Variants in EPHB1 observed in about 807,000 individuals in gnomAD.
The protein encoded by EPHB1 is EPH receptor B1, also known as ephrin type-B receptor 1.
EPHB1 carries 30 observed loss-of-function variants against 94.4 expected under a neutral mutation model. That is an observed-to-expected ratio of 0.32 (90% CI 0.24 to 0.43). EPHB1 has a LOEUF of 0.43. Ranked by LOEUF, EPHB1 falls within the 20% of genes least tolerant of loss-of-function variation. The pLI, the probability that EPHB1 is intolerant of heterozygous loss-of-function variation, is 1.00. For missense variants in EPHB1, 1,055 were observed against 1,308.3 expected, an observed-to-expected ratio of 0.81 and a Z score of 2.99; for synonymous variants, 522 against 489.1, an observed-to-expected ratio of 1.07 and a Z score of -0.89.
At chr3:134,924,495 C>A (rs2107701509) in intron 1 of EPHB1, among the ~76,000 whole-genome samples, 1 of 152,250 alleles carries the variant, frequency 6.6e-6, no homozygotes, top group Middle Eastern at 3.4e-3. Context: ...ATGTTTAACA[C>A]CATTTGCCAG....
intron 15 of EPHB1, among the ~76,000 whole-genome samples, chr3:135,258,638 A>C (rs1933518388): frequency 6.6e-6 from 1 of 152,046 alleles, no homozygotes; most frequent in Non-Finnish European, 1.5e-5. Context: ...TAGGCAGAAA[A>C]CTCCACAGAA....
At chr3:135,174,676 G>T (rs990102080) in intron 9 of EPHB1, among the ~76,000 whole-genome samples, 6 of 152,198 alleles carry the variant, frequency 3.9e-5, no homozygotes, top group African/African-American at 1.4e-4. Flanking sequence ...GAGGAAAAGG[G>T]TTGATCAACA....
chr3:135,047,344 G>C (rs1161239506), intron 3 of EPHB1, among the ~76,000 whole-genome samples: 1 of 152,212 alleles, frequency 6.6e-6, no homozygotes, highest in Non-Finnish European at 1.5e-5. Context: ...CAAGGAGAAT[G>C]AATCAGTACC....
chr3:134,876,287 G>C (rs919578486), intron 1 of EPHB1, among the ~76,000 whole-genome samples: 1 of 152,178 alleles, frequency 6.6e-6, no homozygotes, highest in East Asian at 1.9e-4. Flanking sequence ...TCTCCAAGAT[G>C]TCCTTTCTTC....
At chr3:134,921,925 C>T (rs1218015859) in intron 1 of EPHB1, among the ~76,000 whole-genome samples, 1 of 152,114 alleles carries the variant, frequency 6.6e-6, no homozygotes, top group Non-Finnish European at 1.5e-5. Flanking sequence ...ATGACACGAG[C>T]AAGGTCATAT....
intron 4 of EPHB1, among the ~76,000 whole-genome samples, chr3:135,125,555 A>G (rs1248282452): frequency 3.9e-5 from 6 of 152,224 alleles, no homozygotes; most frequent in African/African-American, 1.4e-4. Flanking sequence ...CTTAGGCTAG[A>G]GAGTGTCATA....
At chr3:135,066,436 T>C (rs1445318156) in intron 3 of EPHB1, among the ~76,000 whole-genome samples, 1 of 152,242 alleles carries the variant, frequency 6.6e-6, no homozygotes, top group East Asian at 1.9e-4. Flanking sequence ...TTGGGTTAAT[T>C]CAAAGACCTT....
chr3:135,097,832 A>C (rs1361277294), intron 3 of EPHB1, among the ~76,000 whole-genome samples: 1 of 152,210 alleles, frequency 6.6e-6, no homozygotes, highest in African/African-American at 2.4e-5. Flanking sequence ...AATGCGCTCC[A>C]GCCCTCCTCC....
In EPHB1 at chr3:134,890,536, A is replaced by G. The variant is rs79595228; in HGVS notation, c.59-35280A>G. 9.9e-3 allele frequency among the ~76,000 whole-genome samples: 1,511 copies of G among 152,288 alleles called. 27 individuals carry two copies. Among genetic ancestry groups the G allele is most frequent in the African/African-American group, 0.035 (1,453 of 41,554 alleles). ...AATTTCTCTTGGCTGTCTTGGGCATATTGCTGGGAATGGAATTGCTTGTTC... is the reference window on the plus strand; with the variant it reads ...AATTTCTCTTGGCTGTCTTGGGCATGTTGCTGGGAATGGAATTGCTTGTTC... On this transcript the variant is annotated intron_variant, in intron 1 of 15. Coordinates refer to ENST00000398015, the MANE Select transcript of EPHB1 (RefSeq NM_004441.5).
intron 4 of EPHB1, among the ~76,000 whole-genome samples, chr3:135,113,370 A>G (rs1156711228): frequency 1.3e-5 from 2 of 152,198 alleles, no homozygotes; most frequent in Admixed American, 6.5e-5. Context: ...GAGGAATTGT[A>G]TAGCTCTAAG....
intron 5 of EPHB1, among the ~76,000 whole-genome samples, chr3:135,145,550 A>G (rs1940984287): frequency 6.6e-6 from 1 of 152,184 alleles, no homozygotes; most frequent in Non-Finnish European, 1.5e-5. Context: ...GCAGCTCTGC[A>G]TTGTTCTGTT....
At chr3:134,907,198 G>T (rs1232890267) in intron 1 of EPHB1, among the ~76,000 whole-genome samples, 1 of 152,172 alleles carries the variant, frequency 6.6e-6, no homozygotes, top group African/African-American at 2.4e-5. Flanking sequence ...GCTCAGAGAG[G>T]TTGTGTGGGT....
At chr3:135,248,771 TTA>T (rs1214957365) in intron 14 of EPHB1, among the ~76,000 whole-genome samples, 4 of 152,044 alleles carry the variant, frequency 2.6e-5, no homozygotes, top group African/African-American at 9.7e-5. Flanking sequence ...GACAAAATCT[TTA>T]TGACTTGGTG....
chr3:134,856,970 T>C (rs1044883514), intron 1 of EPHB1, among the ~76,000 whole-genome samples: 2 of 152,240 alleles, frequency 1.3e-5, no homozygotes, highest in African/African-American at 4.8e-5. Context: ...TGTGAATCTG[T>C]ATTGCATAAA....
intron 3 of EPHB1, among the ~76,000 whole-genome samples, chr3:135,048,181 C>G (rs1012647847): frequency 6.7e-6 from 1 of 149,434 alleles, no homozygotes; most frequent in African/African-American, 2.5e-5. Flanking sequence ...CTCCCTTAGT[C>G]CCTTTTCTGT....
At chr3:134,915,803 G>T (rs374135767) in intron 1 of EPHB1, among the ~76,000 whole-genome samples, 2 of 152,192 alleles carry the variant, frequency 1.3e-5, no homozygotes, top group African/African-American at 4.8e-5. Flanking sequence ...GACCTTCGCG[G>T]TGAGTGTTAC....
At position 135,108,039 on chromosome 3, in the gene EPHB1, A is replaced by G. The variant is rs1370998182; in HGVS notation, c.961+1436A>G. Among the ~76,000 whole-genome samples, 4 of 152,318 alleles carry G rather than the reference A, an allele frequency of 2.6e-5. 1 individual carries two copies. In the South Asian group the frequency reaches 8.3e-4, roughly 32 times the overall value. ...CTGAATCACTGCTCCCTGGATGTTC[A>G]GACCAAAGACTAGTCTCCATGATTG... On this transcript the variant is annotated intron_variant, in intron 4 of 15. Coordinates refer to ENST00000398015, the MANE Select transcript of EPHB1 (RefSeq NM_004441.5).
chr3:135,106,175 A>G (rs1443033771), intron 3 of EPHB1, among the ~76,000 whole-genome samples: 2 of 152,252 alleles, frequency 1.3e-5, no homozygotes, highest in African/African-American at 4.8e-5. Flanking sequence ...TGTTTTCTCA[A>G]TTAAATCTCT....
intron 1 of EPHB1, among the ~76,000 whole-genome samples, chr3:134,910,428 C>T (rs2038427889): frequency 6.6e-6 from 1 of 152,206 alleles, no homozygotes; most frequent in Non-Finnish European, 1.5e-5. Flanking sequence ...GCATTCACTG[C>T]AAGAGCTCTG....
Sources: gnomAD v4.1 joint callset for allele counts (sites outside exome capture counted in the v4.1 genomes callset) on GRCh38, gnomAD v4.1.1 for gene constraint, MANE v1.5 for transcripts, NCBI Gene and HGNC (gene_info 2026-07-23, HGNC 2026-07-21) for gene names.